SOX5: variants seen among roughly 807,000 people sequenced by gnomAD.
SOX5 encodes the protein SRY-box transcription factor 5.
SOX5 carries 9 observed loss-of-function variants against 92.0 expected under a neutral mutation model. The observed-to-expected ratio is 0.10, with a 90% CI of 0.06 to 0.17. The LOEUF (loss-of-function observed/expected upper bound fraction) is 0.17, where lower values mean the gene tolerates loss of function less well. Among genes scored for constraint, SOX5 ranks in the 10% least tolerant of loss-of-function variants. SOX5 has a pLI of 1.00. For synonymous variants in SOX5, 344 were observed against 336.3 expected, an observed-to-expected ratio of 1.02 and a Z score of -0.25; for missense variants, 642 against 944.5, an observed-to-expected ratio of 0.68 and a Z score of 4.20.
intron 13 of SOX5, among the ~76,000 whole-genome samples, chr12:23,540,447 G>C (rs919437204): frequency 2.0e-5 from 3 of 151,400 alleles, no homozygotes; most frequent in African/African-American, 7.2e-5. Context: ...GATGACAAAA[G>C]AGGAAGTTTC....
chr12:23,918,313 T>C (rs1411755993), intron 1 of SOX5, among the ~76,000 whole-genome samples: 2 of 152,174 alleles, frequency 1.3e-5, no homozygotes, highest in African/African-American at 4.8e-5. Flanking sequence ...CCTAGAGAGT[T>C]CTAATTCGGG....
chr12:24,143,684 CAT>C (rs879914138), intron 4 of SOX5, among the ~76,000 whole-genome samples: 1 of 151,922 alleles, frequency 6.6e-6, no homozygotes, highest in Non-Finnish European at 1.5e-5. Flanking sequence ...TTAAGTAAAA[CAT>C]AAAGAGAAAA....
At chr12:23,549,813 G>C (rs1285500977) in intron 11 of SOX5, among the ~76,000 whole-genome samples, 1 of 151,970 alleles carries the variant, frequency 6.6e-6, no homozygotes, top group Non-Finnish European at 1.5e-5. Context: ...TGAGATCAAG[G>C]AGAAACATTA....
chr12:23,790,195 C>T (rs901459395), intron 3 of SOX5, among the ~76,000 whole-genome samples: 3 of 151,896 alleles, frequency 2.0e-5, no homozygotes, highest in Non-Finnish European at 4.4e-5. Flanking sequence ...TTAATTTTTC[C>T]AGTTTATGTG....
At chr12:24,539,266 A>C (rs976332460) in intron 1 of SOX5, among the ~76,000 whole-genome samples, 1 of 152,190 alleles carries the variant, frequency 6.6e-6, no homozygotes, top group Non-Finnish European at 1.5e-5. Flanking sequence ...GTAAGAAAAA[A>C]AACAACTGGG....
intron 6 of SOX5, among the ~76,000 whole-genome samples, chr12:23,689,710 G>GAAAATGTAGAA (rs1229916335): frequency 1.8e-4 from 27 of 151,874 alleles, no homozygotes; most frequent in Non-Finnish European, 3.8e-4. Context: ...CGAAGATGAG[G>GAAAATGTAGAA]AAAATGTAGA....
At position 24,434,624 on chromosome 12, in the gene SOX5, A is replaced by C. The variant is rs117455754; in HGVS notation, c.-250-65985T>G. Among the ~76,000 whole-genome samples, 451 of 152,192 alleles carry C rather than the reference A, an allele frequency of 3.0e-3. 12 individuals carry two copies. The East Asian group carries it at 0.035, about 12-fold the overall frequency. On this transcript the variant is annotated intron_variant, in intron 1 of 4. Transcript: ENST00000446891. ...TCATGGGGGCAGTTTCTCACAGTTT[A>C]ACACCATTCACCCTTGGTGTTGTCA... is the stretch of plus-strand genomic sequence containing the variant.
intron 2 of SOX5, among the ~76,000 whole-genome samples, chr12:24,299,935 C>T (rs1344262603): frequency 2.0e-5 from 3 of 152,104 alleles, no homozygotes; most frequent in Non-Finnish European, 4.4e-5. Context: ...CACAACAACC[C>T]TTCATTTTAC....
At chr12:24,185,614 G>A (rs916854742) in intron 4 of SOX5, among the ~76,000 whole-genome samples, 11 of 152,058 alleles carry the variant, frequency 7.2e-5, no homozygotes, top group Non-Finnish European at 1.5e-4. Context: ...GGTTTGAATT[G>A]TTGTTTTGCT....
At chr12:24,034,036 CA>C (rs1308925263) in intron 4 of SOX5, among the ~76,000 whole-genome samples, 1 of 151,850 alleles carries the variant, frequency 6.6e-6, no homozygotes, top group Non-Finnish European at 1.5e-5. Flanking sequence ...TCAAAGACAC[CA>C]AATTTAGGAC....
At chr12:24,261,934 C>T (rs548085715) in intron 3 of SOX5, among the ~76,000 whole-genome samples, 3 of 152,166 alleles carry the variant, frequency 2.0e-5, no homozygotes, top group Admixed American at 1.3e-4. Context: ...CATATCAGAT[C>T]GTGAAAATAA....
chr12:24,291,285 T>G (rs1383161118), intron 2 of SOX5, among the ~76,000 whole-genome samples: 1 of 152,224 alleles, frequency 6.6e-6, no homozygotes, highest in African/African-American at 2.4e-5. Context: ...TTGAGGGATT[T>G]ATCATGATTA....
intron 4 of SOX5, among the ~76,000 whole-genome samples, chr12:23,959,720 G>A (rs1211144085): frequency 6.6e-6 from 1 of 152,050 alleles, no homozygotes; most frequent in Non-Finnish European, 1.5e-5. Context: ...AGTAAAATAA[G>A]CAAGCAATAC....
chr12:23,749,659 G>T (rs1235640807), intron 4 of SOX5, among the ~76,000 whole-genome samples: 1 of 151,788 alleles, frequency 6.6e-6, no homozygotes, highest in Non-Finnish European at 1.5e-5. Context: ...AAAAAGTATT[G>T]CTCTATAAAA....
chr12:24,399,870 A>G (rs1462393790), intron 1 of SOX5, among the ~76,000 whole-genome samples: 1 of 152,252 alleles, frequency 6.6e-6, no homozygotes, highest in Admixed American at 6.5e-5. Context: ...TGTTGAACAT[A>G]TAGGTATAGT....
intron 4 of SOX5, among the ~76,000 whole-genome samples, chr12:24,129,825 G>T (rs895026451): frequency 6.6e-6 from 1 of 152,202 alleles, no homozygotes; most frequent in Non-Finnish European, 1.5e-5. Context: ...GAAGGTTAAA[G>T]TTAAAGATTA....
chr12:24,053,763 A>G (rs1957825793), intron 4 of SOX5, among the ~76,000 whole-genome samples: 1 of 152,200 alleles, frequency 6.6e-6, no homozygotes, highest in Admixed American at 6.5e-5. Context: ...AAGAATTTCC[A>G]TAAATTCTAT....
At chr12:23,701,791 C>T (rs967097700) in intron 6 of SOX5, among the ~76,000 whole-genome samples, 3 of 152,048 alleles carry the variant, frequency 2.0e-5, no homozygotes, top group African/African-American at 4.8e-5. Flanking sequence ...AACATTGTCA[C>T]GGATCAAGGG....
At chr12:24,213,996 C>T (rs767463306) in intron 3 of SOX5, among the ~76,000 whole-genome samples, 97 of 151,528 alleles carry the variant, frequency 6.4e-4, no homozygotes, top group Admixed American at 1.1e-3. Flanking sequence ...CAATACTTTA[C>T]GCAAAACATT....
Sources: gnomAD v4.1 joint callset for allele counts (sites outside exome capture counted in the v4.1 genomes callset) on GRCh38, gnomAD v4.1.1 for gene constraint, MANE v1.5 for transcripts, NCBI Gene and HGNC (gene_info 2026-07-23, HGNC 2026-07-21) for gene names.